The following ADAM18 variants were observed in gnomAD, a reference collection of about 807,000 sequenced individuals.
ADAM18 encodes the protein disintegrin and metalloproteinase domain-containing protein 18.
A neutral mutation model predicts 94.4 loss-of-function variants in ADAM18; 117 were observed. That is an observed-to-expected ratio of 1.24 (90% CI 1.07 to 1.45). The LOEUF is 1.45. Ranked by LOEUF, ADAM18 falls within the 40% of genes most tolerant of loss-of-function variation. The probability of loss-of-function intolerance (pLI) is 0.00; values close to 1 mark genes in which losing one functional copy is unlikely to be tolerated. For synonymous variants in ADAM18, 327 were observed against 291.6 expected, an observed-to-expected ratio of 1.12 and a Z score of -1.24; for missense variants, 936 against 880.0, an observed-to-expected ratio of 1.06 and a Z score of -0.81.
intron 15 of ADAM18, among the ~76,000 whole-genome samples, chr8:39,677,762 G>A (rs114912887): frequency 0.019 from 2,819 of 152,174 alleles, 80 homozygotes; most frequent in African/African-American, 0.064. Context: ...AACAGAAGAA[G>A]AAAATGGACA....
At chr8:39,625,046 A>T (rs1036008786) in intron 6 of ADAM18, among the ~76,000 whole-genome samples, 1 of 152,162 alleles carries the variant, frequency 6.6e-6, no homozygotes, top group Non-Finnish European at 1.5e-5. Context: ...GTTCCATGTG[A>T]ATTTTAGGAT....
At chr8:39,723,489 T>C (rs1822815582) in intron 18 of ADAM18, among the ~76,000 whole-genome samples, 1 of 151,574 alleles carries the variant, frequency 6.6e-6, no homozygotes, top group South Asian at 2.1e-4. Context: ...AAAGTATTGA[T>C]GTTACAAATA....
chr8:39,668,279 G>T (rs1821051875), intron 14 of ADAM18, 83 bp downstream of exon 14: 1 of 1,322,178 alleles, frequency 7.6e-7, no homozygotes, highest in Admixed American at 2.0e-5. Context: ...AACTCTAGAA[G>T]TGGAAGAAAC....
chr8:39,608,943 G>C (rs138354716), intron 3 of ADAM18, 99 bp from the exon 4 acceptor site: 11 of 710,976 alleles, frequency 1.5e-5, no homozygotes, highest in African/African-American at 1.3e-4. Flanking sequence ...ATTATATAAA[G>C]CTAATTAAAT....
At chr8:39,650,925 A>C (rs1009075005) in intron 12 of ADAM18, among the ~76,000 whole-genome samples, 3 of 152,150 alleles carry the variant, frequency 2.0e-5, no homozygotes, top group Non-Finnish European at 4.4e-5. Flanking sequence ...GGTGCTCAGC[A>C]TACAGAGGAC....
chr8:39,634,979 C>G (rs1325023309), intron 7 of ADAM18, among the ~76,000 whole-genome samples: 1 of 151,910 alleles, frequency 6.6e-6, no homozygotes, highest in Non-Finnish European at 1.5e-5. Context: ...ACTTAATGGC[C>G]AATGTGATGG....
chr8:39,645,344 G>C lies in ADAM18; in HGVS notation c.916G>C (p.Asp306His), dbSNP rs762619723. The C allele has an allele frequency of 2.5e-6, 4 of 1,606,842 alleles. No individual in the cohort carries two copies. Among genetic ancestry groups the C allele is most frequent in the Admixed American group, 3.4e-5 (2 of 58,754 alleles). ...SYDAGIAMYP[D>H]AIGLEGFSVI... ...TTCATGTCTTTTATTTTAGTATCCA[G>C]ATGCAATAGGTTTGGAGGGATTTTC... is the stretch of plus-strand genomic sequence containing the variant. Residue 306 changes from aspartate (D) to histidine (H), a missense_variant, in exon 11 of 20, where the codon GAT becomes CAT. Coordinates refer to ENST00000265707, the MANE Select transcript of ADAM18 (RefSeq NM_014237.3).
intron 18 of ADAM18, among the ~76,000 whole-genome samples, chr8:39,716,038 A>G (rs891886906): frequency 1.3e-5 from 2 of 151,990 alleles, no homozygotes; most frequent in African/African-American, 2.4e-5. Context: ...ATAATTGTTC[A>G]GATTTTATGT....
At chr8:39,594,376 AC>A (rs2129458115) in intron 2 of ADAM18, among the ~76,000 whole-genome samples, 1 of 152,232 alleles carries the variant, frequency 6.6e-6, no homozygotes, top group East Asian at 1.9e-4. Flanking sequence ...GAAAAGGTAA[AC>A]TTTTGTAATT....
intron 16 of ADAM18, among the ~76,000 whole-genome samples, chr8:39,680,688 A>C (rs1004245762): frequency 6.6e-6 from 1 of 152,236 alleles, no homozygotes; most frequent in African/African-American, 2.4e-5. Context: ...GCGTATATAC[A>C]TGCATGAATA....
chr8:39,625,805 T>TA (rs1819752463), intron 6 of ADAM18, among the ~76,000 whole-genome samples: 1 of 152,204 alleles, frequency 6.6e-6, no homozygotes, highest in Non-Finnish European at 1.5e-5. Context: ...TTCAATTTTT[T>TA]ATGTGGTGAA....
chr8:39,598,351 T>C (rs1160659505), intron 2 of ADAM18, among the ~76,000 whole-genome samples: 1 of 152,140 alleles, frequency 6.6e-6, no homozygotes, highest in African/African-American at 2.4e-5. Context: ...GGTCTAGTTT[T>C]TCAAAACCTA....
intron 16 of ADAM18, among the ~76,000 whole-genome samples, chr8:39,691,769 C>T (rs1821788289): frequency 6.7e-6 from 1 of 150,156 alleles, no homozygotes; most frequent in Admixed American, 6.6e-5. Flanking sequence ...TACATGGAAG[C>T]TAAAAATAGT....
intron 18 of ADAM18, among the ~76,000 whole-genome samples, chr8:39,707,530 T>C (rs1822272704): frequency 1.3e-5 from 2 of 152,208 alleles, no homozygotes; most frequent in African/African-American, 4.8e-5. Flanking sequence ...CTTTTGTAGT[T>C]TGAGATACAT....
chr8:39,603,500 G>C (rs1188747421), intron 2 of ADAM18, among the ~76,000 whole-genome samples: 1 of 152,066 alleles, frequency 6.6e-6, no homozygotes, highest in African/African-American at 2.4e-5. Flanking sequence ...TTTTAACTAA[G>C]GTTGAACATT....
At chr8:39,713,752 C>T (rs560156280) in intron 18 of ADAM18, among the ~76,000 whole-genome samples, 2 of 152,150 alleles carry the variant, frequency 1.3e-5, no homozygotes, top group South Asian at 4.1e-4. Flanking sequence ...TATCATCTCA[C>T]ACCAGTTAGA....
intron 3 of ADAM18, among the ~76,000 whole-genome samples, chr8:39,608,792 T>A (rs1819170974): frequency 6.6e-6 from 1 of 152,096 alleles, no homozygotes; most frequent in Admixed American, 6.6e-5. Context: ...TTGAACGTCA[T>A]CATACACAGC....
chr8:39,729,670 C>T (rs1823018489), intron 19 of ADAM18, among the ~76,000 whole-genome samples: 1 of 151,854 alleles, frequency 6.6e-6, no homozygotes, highest in Non-Finnish European at 1.5e-5. Context: ...TTTAGTTGGA[C>T]TCCTTATAAT....
intron 2 of ADAM18, among the ~76,000 whole-genome samples, chr8:39,588,569 G>C (rs1361604067): frequency 6.6e-6 from 1 of 152,174 alleles, no homozygotes; most frequent in African/African-American, 2.4e-5. Context: ...TATGAAGAAG[G>C]TTTCAAACTT....
Sources: allele counts gnomAD v4.1 joint callset (sites outside exome capture counted in the v4.1 genomes callset), GRCh38; gene constraint gnomAD v4.1.1; transcripts MANE v1.5; gene names NCBI Gene and HGNC (gene_info 2026-07-23, HGNC 2026-07-21).